The following TMEM154 variants were observed in gnomAD, a reference collection of about 807,000 sequenced individuals.
The protein encoded by TMEM154 is transmembrane protein 154.
A neutral mutation model predicts 24.5 loss-of-function variants in TMEM154; 27 were observed. The observed-to-expected ratio is 1.10, with a 90% CI of 0.81 to 1.52. The LOEUF (loss-of-function observed/expected upper bound fraction) is 1.52. TMEM154 is among the 40% of genes most tolerant of loss of function. The pLI, the probability that TMEM154 is intolerant of heterozygous loss-of-function variation, is 0.00. For synonymous variants in TMEM154, 67 were observed against 76.8 expected (o/e 0.87, Z 0.67); for missense variants, 228 against 213.4 (o/e 1.07, Z -0.43).
chr4:152,654,400 G>A (rs1728449286), intron 1 of TMEM154, among the ~76,000 whole-genome samples: 1 of 152,264 alleles, frequency 6.6e-6, no homozygotes, highest in South Asian at 2.1e-4. Flanking sequence ...GGACATTGCA[G>A]AGCCAATTCA....
At chr4:152,636,735 C>A (rs1428322958) in intron 6 of TMEM154, among the ~76,000 whole-genome samples, 1 of 152,164 alleles carries the variant, frequency 6.6e-6, no homozygotes, top group Non-Finnish European at 1.5e-5. Context: ...ACTCCCTTTT[C>A]CCAGAAGCAT....
chr4:152,641,683 T>A (rs2149780573), intron 5 of TMEM154, among the ~76,000 whole-genome samples: 1 of 147,002 alleles, frequency 6.8e-6, no homozygotes, highest in East Asian at 2.0e-4. Flanking sequence ...TTTTTTTGCA[T>A]TTTCCAAATT....
intron 3 of TMEM154, among the ~76,000 whole-genome samples, chr4:152,648,500 C>A (rs1027800696): frequency 6.6e-6 from 1 of 152,106 alleles, no homozygotes; most frequent in African/African-American, 2.4e-5. Flanking sequence ...GTCTCTTAAA[C>A]AAAACAAAAA....
At chr4:152,628,638 C>CTT (rs1201157665) in intron 6 of TMEM154, 77 bp from the exon 7 acceptor site, 2,467 of 940,592 alleles carry the variant, frequency 2.6e-3, no homozygotes, top group Middle Eastern at 4.5e-3. Context: ...ATATTTCTTT[C>CTT]TTTTTTTTTT....
chr4:152,652,462 T>C, intron 3 of TMEM154, 76 bp downstream of exon 3: 1 of 1,591,168 alleles, frequency 6.3e-7, no homozygotes, highest in East Asian at 2.2e-5. Flanking sequence ...TAGTCCTTGT[T>C]GCTTAATTTT....
intron 1 of TMEM154, among the ~76,000 whole-genome samples, chr4:152,653,978 G>T (rs1430467385): frequency 2.0e-5 from 3 of 151,712 alleles, no homozygotes; most frequent in Non-Finnish European, 4.4e-5. Context: ...AGCAGAGGTT[G>T]CAGTCAGCCA....
chr4:152,665,765 C>G (rs1233787256), intron 1 of TMEM154, among the ~76,000 whole-genome samples: 1 of 149,258 alleles, frequency 6.7e-6, no homozygotes, highest in Non-Finnish European at 1.5e-5. Context: ...TGTAATAGGT[C>G]TGGGAGGGGG....
intron 1 of TMEM154, among the ~76,000 whole-genome samples, chr4:152,679,318 G>C (rs1182190087): frequency 6.6e-6 from 1 of 150,492 alleles, no homozygotes; most frequent in African/African-American, 2.4e-5. Flanking sequence ...TGATGTGTTA[G>C]AGGGCTACCC....
chr4:152,678,750 T>C (rs1729003053), intron 1 of TMEM154, among the ~76,000 whole-genome samples: 1 of 152,202 alleles, frequency 6.6e-6, no homozygotes, highest in African/African-American at 2.4e-5. Flanking sequence ...CCAAACCCAC[T>C]CTGAACACTA....
intron 1 of TMEM154, among the ~76,000 whole-genome samples, chr4:152,679,496 C>T (rs958511867): frequency 5.9e-5 from 9 of 151,502 alleles, no homozygotes; most frequent in African/African-American, 2.2e-4. Context: ...CCATAAAAAG[C>T]AAATTAATCA....
intron 1 of TMEM154, among the ~76,000 whole-genome samples, chr4:152,657,636 CAA>C (rs1728515296): frequency 6.6e-6 from 1 of 152,202 alleles, no homozygotes. Flanking sequence ...TATAATTCAA[CAA>C]AGGACTTCTC....
intron 1 of TMEM154, among the ~76,000 whole-genome samples, chr4:152,677,667 A>T (rs2149792558): frequency 6.6e-6 from 1 of 152,340 alleles, no homozygotes; most frequent in Non-Finnish European, 1.5e-5. Context: ...CCCAATTAGC[A>T]TGTTGGATTA....
intron 3 of TMEM154, among the ~76,000 whole-genome samples, chr4:152,651,781 C>A (rs964436753): frequency 6.6e-6 from 1 of 152,240 alleles, no homozygotes; most frequent in East Asian, 1.9e-4. Context: ...ATGTTTGGCA[C>A]AAGAGGCCTG....
chr4:152,626,239 G>A lies in TMEM154; in HGVS notation c.*2307C>T, dbSNP rs535078449. The A allele has an allele frequency of 2.6e-5, 4 of 152,702 alleles. No homozygotes were observed. Among genetic ancestry groups the A allele is most frequent in the South Asian group, 2.1e-4 (1 of 4,822 alleles). The allele number at this position is 152,702 out of a possible 1,614,324, so 9.5% of individuals were successfully genotyped here. A position where few individuals can be genotyped will look rare whatever the true frequency, so the allele number is the denominator to read the frequency against. ...AAACTTACATATCTTTTAAATATTC[G>A]AAAGTCAGATTTTGTTCTGATTGCC... On this transcript the variant is annotated 3_prime_UTR_variant, in exon 7 of 7. Transcript: ENST00000304385.
chr4:152,659,942 C>T (rs1019820827), intron 1 of TMEM154, among the ~76,000 whole-genome samples: 1 of 152,138 alleles, frequency 6.6e-6, no homozygotes, highest in African/African-American at 2.4e-5. Flanking sequence ...CTCTCTCTGG[C>T]TCTCAAAATA....
intron 1 of TMEM154, among the ~76,000 whole-genome samples, chr4:152,655,431 G>A (rs370737149): frequency 7.2e-5 from 11 of 152,288 alleles, no homozygotes; most frequent in South Asian, 4.2e-4. Flanking sequence ...GACCTTATGC[G>A]GAGTCCCACA....
chr4:152,641,417 C>CA (rs1752253477), intron 5 of TMEM154: 1 of 156,654 alleles, frequency 6.4e-6, no homozygotes, highest in Non-Finnish European at 1.4e-5. Flanking sequence ...TTCCTATGGT[C>CA]ATGAGTTCTT....
intron 3 of TMEM154, among the ~76,000 whole-genome samples, chr4:152,649,814 T>C (rs1377356409): frequency 6.6e-6 from 1 of 152,170 alleles, no homozygotes; most frequent in Non-Finnish European, 1.5e-5. Context: ...CCCCCAGAAA[T>C]ATGCAGGTTC....
intron 3 of TMEM154, 47 bp downstream of exon 3, chr4:152,652,491 C>T: frequency 6.2e-7 from 1 of 1,609,034 alleles, no homozygotes; most frequent in East Asian, 2.2e-5. Flanking sequence ...TCTGCTCCTT[C>T]TCCAATCCCA....
Sources: allele counts gnomAD v4.1 joint callset (sites outside exome capture counted in the v4.1 genomes callset), GRCh38; gene constraint gnomAD v4.1.1; transcripts MANE v1.5; gene names NCBI Gene and HGNC (gene_info 2026-07-23, HGNC 2026-07-21).